The following NR3C2 variants were observed in gnomAD, a reference collection of about 807,000 sequenced individuals.
NR3C2 encodes mineralocorticoid receptor.
In NR3C2, 15 loss-of-function variants were observed where a neutral mutation model predicts 86.4. That is an observed-to-expected ratio of 0.17 (90% CI 0.12 to 0.27). The LOEUF (loss-of-function observed/expected upper bound fraction) is 0.27. Ranked by LOEUF, NR3C2 falls within the 10% of genes least tolerant of loss-of-function variation. NR3C2 has a pLI of 1.00. For synonymous variants in NR3C2, 458 were observed against 450.5 expected (o/e 1.02, Z -0.21); for missense variants, 960 against 1,195.6 (o/e 0.80, Z 2.91).
chr4:148,282,076 C>G (rs933986772), intron 2 of NR3C2, among the ~76,000 whole-genome samples: 1 of 152,154 alleles, frequency 6.6e-6, no homozygotes, highest in Non-Finnish European at 1.5e-5. Flanking sequence ...GTTGTCCAGG[C>G]TAGAGTGCAA....
chr4:148,290,537 T>G (rs1468345044), intron 2 of NR3C2, among the ~76,000 whole-genome samples: 1 of 152,196 alleles, frequency 6.6e-6, no homozygotes, highest in Non-Finnish European at 1.5e-5. Context: ...ATGTACCAGG[T>G]AAAACCGTTA....
chr4:148,400,718 T>C lies in NR3C2; in HGVS notation c.1757+34386A>G, dbSNP rs1438497180. 2.1e-5 allele frequency among the ~76,000 whole-genome samples: 3 copies of C among 142,024 alleles called. No homozygotes were observed. The Admixed American group carries it at 2.3e-4, about 11-fold the overall frequency. The allele number at this position is 142,024 out of a possible 152,430, so 93.2% of individuals were successfully genotyped here. A position where few individuals can be genotyped will look rare whatever the true frequency, so the allele number is the denominator to read the frequency against. On this transcript the variant is annotated intron_variant, in intron 2 of 8. Coordinates refer to ENST00000358102, the MANE Select transcript of NR3C2 (RefSeq NM_000901.5). Reference sequence around the variant, plus strand: ...GCATGAACCTGGGAGGCGGAGGTTGTGGTGAGCTGAGATCCATGCCACTGC... The same window carrying C: ...GCATGAACCTGGGAGGCGGAGGTTGCGGTGAGCTGAGATCCATGCCACTGC...
chr4:148,126,969 T>A (rs1282818363), intron 6 of NR3C2, among the ~76,000 whole-genome samples: 2 of 152,322 alleles, frequency 1.3e-5, no homozygotes, highest in Admixed American at 6.5e-5. Context: ...GAGTAATGAT[T>A]TTTGGCCCTT....
At chr4:148,219,226 T>G (rs1205613398) in intron 3 of NR3C2, among the ~76,000 whole-genome samples, 1 of 152,222 alleles carries the variant, frequency 6.6e-6, no homozygotes, top group African/African-American at 2.4e-5. Context: ...ACATTGAATA[T>G]CTTTTCATGT....
intron 8 of NR3C2, among the ~76,000 whole-genome samples, chr4:148,092,990 G>C (rs926396438): frequency 6.6e-6 from 1 of 152,214 alleles, no homozygotes; most frequent in African/African-American, 2.4e-5. Flanking sequence ...AGATGGAGAG[G>C]CAAGAACCCT....
intron 3 of NR3C2, among the ~76,000 whole-genome samples, chr4:148,195,422 T>C (rs948457469): frequency 2.6e-5 from 4 of 152,246 alleles, no homozygotes; most frequent in African/African-American, 7.2e-5. Flanking sequence ...CCTAGCTTTA[T>C]TAGTATTTAT....
At chr4:148,150,494 C>T (rs1278154246) in intron 6 of NR3C2, among the ~76,000 whole-genome samples, 1 of 152,146 alleles carries the variant, frequency 6.6e-6, no homozygotes, top group Non-Finnish European at 1.5e-5. Context: ...CACTTCAGCA[C>T]TACGTCTAGG....
chr4:148,150,155 G>A (rs1734039862), intron 6 of NR3C2, among the ~76,000 whole-genome samples: 1 of 152,172 alleles, frequency 6.6e-6, no homozygotes, highest in African/African-American at 2.4e-5. Flanking sequence ...GCCCATTAAC[G>A]GATGATTGGA....
At chr4:148,290,516 T>A (rs1406546996) in intron 2 of NR3C2, among the ~76,000 whole-genome samples, 2 of 152,190 alleles carry the variant, frequency 1.3e-5, no homozygotes, top group Non-Finnish European at 2.9e-5. Flanking sequence ...GCAGCACAGA[T>A]AACTAATATA....
Position 148,241,329 on chromosome 4 carries a change from AAAAAG to A in NR3C2, c.1897+18644_1897+18648del, listed in dbSNP as rs1560995913. ...TCAAAAAAAAAAAAAAAAAAAAAAA[AAAAAG>A]GGGAAAAATAAAATCTAATCTCCCT... On this transcript the variant is annotated intron_variant, in intron 3 of 8. Coordinates refer to ENST00000358102, the MANE Select transcript of NR3C2 (RefSeq NM_000901.5). Among the ~76,000 whole-genome samples, 5 of 146,036 alleles carry A rather than the reference AAAAAG, an allele frequency of 3.4e-5. 1 individual carries two copies. The highest frequency in any genetic ancestry group is 7.5e-5 in the African/African-American group (3 of 40,068).
intron 2 of NR3C2, among the ~76,000 whole-genome samples, chr4:148,349,645 G>A (rs1745171365): frequency 1.9e-4 from 1 of 5,232 alleles, no homozygotes; most frequent in South Asian, 0.071. Flanking sequence ...GGTGGCTTGG[G>A]GAAAAAAAAA....
At chr4:148,279,313 T>C (rs1238878997) in intron 2 of NR3C2, among the ~76,000 whole-genome samples, 1 of 152,236 alleles carries the variant, frequency 6.6e-6, no homozygotes, top group Non-Finnish European at 1.5e-5. Flanking sequence ...TTGCAGAAGC[T>C]GTTATCTGAA....
intron 2 of NR3C2, among the ~76,000 whole-genome samples, chr4:148,374,211 T>A (rs1004156533): frequency 1.3e-5 from 2 of 152,190 alleles, no homozygotes; most frequent in African/African-American, 4.8e-5. Flanking sequence ...AAGAAAAATT[T>A]CCTCAAGTTA....
intron 2 of NR3C2, among the ~76,000 whole-genome samples, chr4:148,297,125 G>C (rs1049644103): frequency 2.0e-5 from 3 of 152,102 alleles, no homozygotes; most frequent in African/African-American, 7.2e-5. Flanking sequence ...CTACAGGACT[G>C]TGCTGCTAGA....
intron 1 of NR3C2, among the ~76,000 whole-genome samples, chr4:148,440,794 T>C (rs1344314242): frequency 1.3e-5 from 2 of 152,256 alleles, no homozygotes; most frequent in Non-Finnish European, 2.9e-5. Flanking sequence ...AAGTACTTTT[T>C]TCGGGAATAT....
At chr4:148,165,648 T>G (rs1734846124) in intron 4 of NR3C2, among the ~76,000 whole-genome samples, 1 of 152,178 alleles carries the variant, frequency 6.6e-6, no homozygotes, top group African/African-American at 2.4e-5. Flanking sequence ...TACTCAAGAA[T>G]ACTAATGCTG....
At chr4:148,201,214 T>C (rs564315700) in intron 3 of NR3C2, 47 of 152,216 alleles carry the variant, frequency 3.1e-4, no homozygotes, top group African/African-American at 1.1e-3. Flanking sequence ...GGCCCTTCAC[T>C]GCTTAAACTG....
chr4:148,224,148 AAC>A (rs1491128389), intron 3 of NR3C2, among the ~76,000 whole-genome samples: 6 of 152,130 alleles, frequency 3.9e-5, no homozygotes, highest in Non-Finnish European at 8.8e-5. Flanking sequence ...GAAAAAAAAA[AAC>A]AGAGGAAAAA....
intron 2 of NR3C2, among the ~76,000 whole-genome samples, chr4:148,343,017 C>T (rs930590357): frequency 6.6e-6 from 1 of 152,060 alleles, no homozygotes; most frequent in Non-Finnish European, 1.5e-5. Flanking sequence ...AAAATATAAC[C>T]CATTTTGGAG....
Sources: allele counts gnomAD v4.1 joint callset (sites outside exome capture counted in the v4.1 genomes callset), GRCh38; gene constraint gnomAD v4.1.1; transcripts MANE v1.5; gene names NCBI Gene and HGNC (gene_info 2026-07-23, HGNC 2026-07-21).